Variants in AGAP1 observed in about 807,000 individuals in gnomAD.
The protein encoded by AGAP1 is arf-GAP with GTPase, ANK repeat and PH domain-containing protein 1.
Under a neutral mutation model 105.3 loss-of-function variants are expected in AGAP1, and 29 were observed. The observed-to-expected ratio is 0.28, with a 90% CI of 0.21 to 0.38. The LOEUF (loss-of-function observed/expected upper bound fraction) is 0.38, where lower values mean the gene tolerates loss of function less well. Among genes scored for constraint, AGAP1 ranks in the 10% least tolerant of loss-of-function variants. AGAP1 has a pLI of 1.00. For missense variants in AGAP1, 998 were observed against 1,165.1 expected, an observed-to-expected ratio of 0.86 and a Z score of 2.09; for synonymous variants, 509 against 485.9, an observed-to-expected ratio of 1.05 and a Z score of -0.63.
chr2:236,118,641 G>A (rs1000176269), intron 16 of AGAP1, among the ~76,000 whole-genome samples: 10 of 151,892 alleles, frequency 6.6e-5, no homozygotes, highest in South Asian at 6.2e-4. Flanking sequence ...CACCCACCTC[G>A]GCCTCCCAAA....
rs537762790 is a variant in AGAP1 at position 235,578,928 on chromosome 2, C to T, written c.163+84079C>T. Among the ~76,000 whole-genome samples, 7 of 151,962 alleles carry T rather than the reference C, an allele frequency of 4.6e-5. No homozygotes were observed. Among genetic ancestry groups the T allele is most frequent in the African/African-American group, 1.5e-4 (6 of 41,350 alleles). ...TCCCTCTAGCTGTCAGTCACACAGA[C>T]GGATATAGATATGTAATTTGAATTA... On this transcript the variant is annotated intron_variant, in intron 1 of 17. Transcript: ENST00000304032. This position sits in a 1 kb window ranked among gnomAD's most constrained non-coding sequence, Gnocchi z 4.9.
chr2:235,776,005 C>T lies in AGAP1; in HGVS notation c.674-21754C>T, dbSNP rs555310874. The stretch of plus-strand genomic sequence containing the variant: ...TTTGAAGGTTTTCCTAAGATATTTT[C>T]CTAGTTTAATAGGAAGTGTGGACAT... On this transcript the variant is annotated intron_variant, in intron 6 of 17. Transcript: ENST00000304032. Among the ~76,000 whole-genome samples the T allele has an allele frequency of 2.0e-5, 3 of 152,246 alleles. No homozygotes were observed. The South Asian group carries it at 6.2e-4, about 32-fold the overall frequency.
intron 6 of AGAP1, among the ~76,000 whole-genome samples, chr2:235,785,825 T>A (rs1956595166): frequency 6.6e-6 from 1 of 152,236 alleles, no homozygotes; most frequent in Admixed American, 6.5e-5. Flanking sequence ...CCACCATGTT[T>A]ATCTGCACTT....
At chr2:235,775,226 T>G (rs959015508) in intron 6 of AGAP1, among the ~76,000 whole-genome samples, 2 of 152,154 alleles carry the variant, frequency 1.3e-5, no homozygotes, top group African/African-American at 2.4e-5. Context: ...TGTCCCAGAC[T>G]GTAGCACACT....
chr2:235,916,212 C>T (rs2051876369), intron 11 of AGAP1, among the ~76,000 whole-genome samples: 1 of 152,158 alleles, frequency 6.6e-6, no homozygotes, highest in African/African-American at 2.4e-5. Flanking sequence ...CTGGTTAAAC[C>T]TTCCCTTCCT....
rs1008665470 is a variant in AGAP1, at chr2:236,055,994, C to T, written c.2114+6713C>T. Reference sequence around the variant, plus strand: ...AATGTACAAATGAGAAGTACGTTAACACTGCCTTTAAAATAATACCTACAG... The same window carrying T: ...AATGTACAAATGAGAAGTACGTTAATACTGCCTTTAAAATAATACCTACAG... On this transcript the variant is annotated intron_variant, in intron 16 of 17. Transcript: ENST00000304032. This position sits in a 1 kb window ranked among gnomAD's most constrained non-coding sequence, Gnocchi z 6.2. 2.0e-5 allele frequency among the ~76,000 whole-genome samples: 3 copies of T among 152,144 alleles called. No homozygotes were observed. Among genetic ancestry groups the T allele is most frequent in the South Asian group, 4.1e-4 (2 of 4,822 alleles).
At chr2:235,703,236 G>A (rs996822491) in intron 1 of AGAP1, among the ~76,000 whole-genome samples, 4 of 151,942 alleles carry the variant, frequency 2.6e-5, no homozygotes, top group South Asian at 2.1e-4. Flanking sequence ...CCCGAGCCAC[G>A]GTTTTCCATC....
At position 235,723,765 on chromosome 2, in the gene AGAP1, C is replaced by CGTTGGTTGGTTGGTTGGTTG. The variant is rs3834112; in HGVS notation, c.310+6140_310+6159dup. On this transcript the variant is annotated intron_variant, in intron 3 of 17. Coordinates refer to ENST00000304032, the MANE Select transcript of AGAP1 (RefSeq NM_001037131.3). This position sits in a 1 kb window ranked among gnomAD's most constrained non-coding sequence, Gnocchi z 6.2. Reference sequence around the variant, plus strand: ...ATATGGATTGAGTGGGAGCTTTTATCGTTGGTTGGTTGGTTGGTTGGTTGG... The same window carrying CGTTGGTTGGTTGGTTGGTTG: ...ATATGGATTGAGTGGGAGCTTTTATCGTTGGTTGGTTGGTTGGTTGGTTGGTTGGTTGGTTGGTTGGTTGG... 6.4e-3 allele frequency among the ~76,000 whole-genome samples: 956 copies of CGTTGGTTGGTTGGTTGGTTG among 150,002 alleles called. 8 individuals carry two copies. The highest frequency in any genetic ancestry group is 6.6e-3 in the Non-Finnish European group (447 of 67,504).
chr2:235,896,767 G>A (rs983479369), intron 10 of AGAP1, among the ~76,000 whole-genome samples: 53 of 152,294 alleles, frequency 3.5e-4, no homozygotes, highest in African/African-American at 1.1e-3. Context: ...GAATTAGGCC[G>A]CCATAAAAGT....
intron 1 of AGAP1, among the ~76,000 whole-genome samples, chr2:235,512,104 AATGTGTGTGTGTGTGG>A (rs1417826706): frequency 2.9e-5 from 3 of 103,422 alleles, no homozygotes; most frequent in Non-Finnish European, 4.2e-5. Context: ...TGTGTGTGTG[AATGTGTGTGTGTGTGG>A]TGATGGTCAT....
chr2:235,610,765 G>T lies in AGAP1; in HGVS notation c.164-98414G>T, dbSNP rs1946099770. On this transcript the variant is annotated intron_variant, in intron 1 of 17. Coordinates refer to ENST00000304032, the MANE Select transcript of AGAP1 (RefSeq NM_001037131.3). The surrounding 1 kb of genome is among the most constrained non-coding windows in gnomAD (Gnocchi z 4.9). Reference sequence around the variant, plus strand: ...GCCCTGGAGTGGAAACCCTGGGCTGGGGAGGAGGTGCGCTAAGACTGGGCC... The same window carrying T: ...GCCCTGGAGTGGAAACCCTGGGCTGTGGAGGAGGTGCGCTAAGACTGGGCC... 6.6e-6 allele frequency among the ~76,000 whole-genome samples: 1 copy of T among 152,068 alleles called. No homozygotes were observed. Among genetic ancestry groups the T allele is most frequent in the Non-Finnish European group, 1.5e-5 (1 of 68,010 alleles).
chr2:235,630,301 C>CT (rs1452817456), intron 1 of AGAP1, among the ~76,000 whole-genome samples: 5 of 152,256 alleles, frequency 3.3e-5, no homozygotes, highest in African/African-American at 1.2e-4. Context: ...GCAACCTCTG[C>CT]TTCCCGGGTT....
chr2:235,937,898 G>A (rs1047160446), intron 12 of AGAP1, among the ~76,000 whole-genome samples: 8 of 152,216 alleles, frequency 5.3e-5, no homozygotes, highest in East Asian at 1.9e-4. Flanking sequence ...AGGAAGCCCC[G>A]ATCTGGACAA....
rs1947238948 is a variant in AGAP1 at position 235,642,684 on chromosome 2, G to A, written c.164-66495G>A. On this transcript the variant is annotated intron_variant, in intron 1 of 17. Transcript: ENST00000304032. This position sits in a 1 kb window ranked among gnomAD's most constrained non-coding sequence, Gnocchi z 4.1. The stretch of plus-strand genomic sequence containing the variant: ...GGTGCTCTGACCACTACTTTCCCAA[G>A]GCTACTTTGCTTCAGGAAGTTACAG... 6.6e-6 allele frequency among the ~76,000 whole-genome samples: 1 copy of A among 152,210 alleles called. No individual in the cohort carries two copies.
chr2:235,651,766 G>A (rs960111391), intron 1 of AGAP1, among the ~76,000 whole-genome samples: 1 of 152,154 alleles, frequency 6.6e-6, no homozygotes, highest in African/African-American at 2.4e-5. Context: ...CTTTGACTCA[G>A]GAATTGTGCT....
intron 1 of AGAP1, among the ~76,000 whole-genome samples, chr2:235,579,173 G>A (rs1944841273): frequency 6.6e-6 from 1 of 152,144 alleles, no homozygotes; most frequent in South Asian, 2.1e-4. Flanking sequence ...GGCGCACTGT[G>A]TCAGCCCCTG....
chr2:235,831,838 T>C (rs1959448644), intron 9 of AGAP1, among the ~76,000 whole-genome samples: 1 of 152,246 alleles, frequency 6.6e-6, no homozygotes, highest in Non-Finnish European at 1.5e-5. Context: ...AAGAACATGA[T>C]TGCTAGATTG....
chr2:236,019,324 T>G (rs1017469185), intron 13 of AGAP1, among the ~76,000 whole-genome samples: 3 of 152,122 alleles, frequency 2.0e-5, no homozygotes, highest in African/African-American at 7.2e-5. Flanking sequence ...TCTAGGAGGC[T>G]GCACAAAGGA....
intron 10 of AGAP1, among the ~76,000 whole-genome samples, chr2:235,895,015 G>A (rs1172293555): frequency 1.3e-5 from 2 of 152,138 alleles, no homozygotes; most frequent in Non-Finnish European, 2.9e-5. Context: ...CTCGGCCTCC[G>A]TTTTCTCTTC....
Sources: allele counts gnomAD v4.1 joint callset (sites outside exome capture counted in the v4.1 genomes callset), GRCh38; gene constraint gnomAD v4.1.1; non-coding constraint Gnocchi (gnomAD v3.1); transcripts MANE v1.5; gene names NCBI Gene and HGNC (gene_info 2026-07-23, HGNC 2026-07-21).